Variants in SYN3 observed in about 807,000 individuals in gnomAD.
SYN3 encodes synapsin-3.
In SYN3, 35 loss-of-function variants were observed where a neutral mutation model predicts 65.8. The observed-to-expected ratio is 0.53, with a 90% CI of 0.41 to 0.70. The LOEUF (loss-of-function observed/expected upper bound fraction) is 0.70, where lower values mean the gene tolerates loss of function less well. Ranked by LOEUF, SYN3 falls within the 30% of genes least tolerant of loss-of-function variation. The pLI is 0.00. For missense variants in SYN3, 680 were observed against 749.0 expected (o/e 0.91, Z 1.08); for synonymous variants, 270 against 292.9 (o/e 0.92, Z 0.80).
intron 6 of SYN3, among the ~76,000 whole-genome samples, chr22:32,719,798 T>C (rs1191646469): frequency 6.6e-6 from 1 of 152,090 alleles, no homozygotes; most frequent in Non-Finnish European, 1.5e-5. Context: ...TAGTGAGCTA[T>C]GACTGCAGCC....
At chr22:32,815,295 A>T (rs1376348112) in intron 6 of SYN3, among the ~76,000 whole-genome samples, 1 of 152,228 alleles carries the variant, frequency 6.6e-6, no homozygotes, top group Non-Finnish European at 1.5e-5. Context: ...CAGGGAACCC[A>T]TGTGCGGTGA....
At position 32,594,589 on chromosome 22, in the gene SYN3, G is replaced by A. The variant is rs371594507; in HGVS notation, c.774+2085C>T. ...CGCAACCTCCACCTCCCAGGTTCCA[G>A]CGATTCTCCTGCCGCAGCTTTCCAA... On this transcript the variant is annotated intron_variant, in intron 7 of 13. Transcript: ENST00000358763. 1.1e-4 allele frequency among the ~76,000 whole-genome samples: 16 copies of A among 152,086 alleles called. 1 individual carries two copies. The highest frequency in any genetic ancestry group is 6.8e-3 in the Middle Eastern group (2 of 294).
At chr22:32,930,725 T>G (rs902033005) in intron 4 of SYN3, among the ~76,000 whole-genome samples, 2 of 152,202 alleles carry the variant, frequency 1.3e-5, no homozygotes, top group Non-Finnish European at 2.9e-5. Context: ...TGAGACCTAG[T>G]GTGTATCGTT....
intron 7 of SYN3, among the ~76,000 whole-genome samples, chr22:32,593,337 C>CCTA (rs139442137): frequency 6.6e-6 from 1 of 151,148 alleles, no homozygotes; most frequent in African/African-American, 2.4e-5. Context: ...CTCTTTATTT[C>CCTA]CTTTTTATGT....
At chr22:32,576,020 C>T (rs986107247) in intron 7 of SYN3, among the ~76,000 whole-genome samples, 6 of 152,004 alleles carry the variant, frequency 3.9e-5, no homozygotes, top group African/African-American at 2.4e-5. Flanking sequence ...TAATGATGAG[C>T]GGTCGTGGGA....
At chr22:32,536,427 G>A (rs71313131) in intron 9 of SYN3, among the ~76,000 whole-genome samples, 9 of 118,468 alleles carry the variant, frequency 7.6e-5, no homozygotes, top group South Asian at 6.9e-4. Flanking sequence ...CTCTGACTTG[G>A]GTATTACTAC....
At chr22:32,861,289 T>G (rs921825914) in intron 6 of SYN3, 2 of 152,422 alleles carry the variant, frequency 1.3e-5, no homozygotes, top group African/African-American at 4.8e-5. Flanking sequence ...GCATCGGGTT[T>G]CCTTGGGATC....
chr22:32,801,812 A>G lies in SYN3; in HGVS notation c.711+63103T>C, dbSNP rs2046590191. The G allele has an allele frequency of 1.8e-6, 1 of 555,692 alleles. No individual in the cohort carries two copies. The highest frequency in any genetic ancestry group is 5.5e-5 in the East Asian group (1 of 18,082). The allele number at this position is 555,692 out of a possible 1,614,324, so 34.4% of individuals were successfully genotyped here. ...GAGGCCGCCCGCCGAGTCCTGCGCCAGCGCCGAGGCAGCCTCGCTGCGCCC... is the reference window on the plus strand; with the variant it reads ...GAGGCCGCCCGCCGAGTCCTGCGCCGGCGCCGAGGCAGCCTCGCTGCGCCC... On this transcript the variant is annotated intron_variant, in intron 6 of 13. Coordinates refer to ENST00000358763, the MANE Select transcript of SYN3 (RefSeq NM_003490.4). The surrounding 1 kb of genome is among the most constrained non-coding windows in gnomAD (Gnocchi z 4.7).
chr22:32,769,636 C>T (rs962128311), intron 6 of SYN3, among the ~76,000 whole-genome samples: 1 of 152,006 alleles, frequency 6.6e-6, no homozygotes, highest in African/African-American at 2.4e-5. Flanking sequence ...CCTGCCTCAG[C>T]CTTCCTGAGT....
At chr22:32,561,921 C>T (rs2058592320) in intron 7 of SYN3, among the ~76,000 whole-genome samples, 1 of 152,222 alleles carries the variant, frequency 6.6e-6, no homozygotes, top group South Asian at 2.1e-4. Context: ...CATTCCTCCA[C>T]ATCTTGATTT....
At chr22:32,534,185 C>CAGGGTG (rs370357231) in intron 9 of SYN3, among the ~76,000 whole-genome samples, 131 of 152,200 alleles carry the variant, frequency 8.6e-4, no homozygotes, top group African/African-American at 3.0e-3. Context: ...GGGAGAGAGG[C>CAGGGTG]AGGGAGAGAA....
At chr22:32,713,027 T>C (rs1224812761) in intron 6 of SYN3, among the ~76,000 whole-genome samples, 4 of 152,350 alleles carry the variant, frequency 2.6e-5, no homozygotes, top group African/African-American at 9.6e-5. Context: ...TTAAGTGTCA[T>C]GAGTGGAGAC....
chr22:33,018,612 T>C (rs1251057042), intron 1 of SYN3, among the ~76,000 whole-genome samples: 1 of 151,982 alleles, frequency 6.6e-6, no homozygotes, highest in Non-Finnish European at 1.5e-5. Context: ...AAGGTGAAAA[T>C]CATAAGGATA....
At chr22:32,731,419 TG>T (rs1015443354) in intron 6 of SYN3, among the ~76,000 whole-genome samples, 6 of 152,202 alleles carry the variant, frequency 3.9e-5, no homozygotes, top group Non-Finnish European at 7.3e-5. Context: ...GGGATGAAGC[TG>T]CCAGCCGCTC....
At chr22:33,050,870 A>G (rs2054154045) in intron 1 of SYN3, among the ~76,000 whole-genome samples, 1 of 152,192 alleles carries the variant, frequency 6.6e-6, no homozygotes. Context: ...AATTTTACCC[A>G]CTACCAGCGC....
At chr22:32,836,162 A>G (rs2047723870) in intron 6 of SYN3, among the ~76,000 whole-genome samples, 1 of 152,218 alleles carries the variant, frequency 6.6e-6, no homozygotes, top group Non-Finnish European at 1.5e-5. Context: ...AAAGCTACAC[A>G]TTTTGGGGAA....
intron 6 of SYN3, among the ~76,000 whole-genome samples, chr22:32,797,488 T>C (rs368601598): frequency 1.3e-4 from 20 of 152,128 alleles, no homozygotes; most frequent in African/African-American, 4.8e-4. Context: ...GTCTGAAGGA[T>C]GTGGAAGAGT....
At position 32,534,655 on chromosome 22, in the gene SYN3, T is replaced by A. The variant is rs146078448; in HGVS notation, c.993-760A>T. On this transcript the variant is annotated intron_variant, in intron 9 of 13. Coordinates refer to ENST00000358763, the MANE Select transcript of SYN3 (RefSeq NM_003490.4). ...TTTGCACTTAGCTTCCCCTGTGGGC[T>A]GGATTTGGGAGTCACAGGGGACTCT... 5.9e-5 allele frequency among the ~76,000 whole-genome samples: 9 copies of A among 152,324 alleles called. No homozygotes were observed. The East Asian group carries it at 9.7e-4, about 16-fold the overall frequency.
chr22:32,929,540 G>A (rs1340746820), intron 4 of SYN3, among the ~76,000 whole-genome samples: 1 of 152,102 alleles, frequency 6.6e-6, no homozygotes, highest in Non-Finnish European at 1.5e-5. Flanking sequence ...TAGCTTGAAA[G>A]TGCCTTCCTT....
Sources: gnomAD v4.1 joint callset for allele counts (sites outside exome capture counted in the v4.1 genomes callset) on GRCh38, gnomAD v4.1.1 for gene constraint, Gnocchi (gnomAD v3.1) non-coding constraint, MANE v1.5 for transcripts, NCBI Gene and HGNC (gene_info 2026-07-23, HGNC 2026-07-21) for gene names.